MROH9: variants seen among roughly 807,000 people sequenced by gnomAD.
The protein encoded by MROH9 is maestro heat like repeat family member 9.
A neutral mutation model predicts 98.2 loss-of-function variants in MROH9; 92 were observed. The ratio of observed to expected loss-of-function variants is 0.94; its 90% CI spans 0.79 to 1.11. The LOEUF (loss-of-function observed/expected upper bound fraction) is 1.11. Ranked by LOEUF, MROH9 falls within the 50% of genes most tolerant of loss-of-function variation. The pLI is 0.00. For synonymous variants in MROH9, 397 were observed against 368.9 expected (o/e 1.08, Z -0.87); for missense variants, 1,057 against 1,014.8 (o/e 1.04, Z -0.57).
intron 3 of MROH9, among the ~76,000 whole-genome samples, chr1:170,957,970 G>A (rs879932512): frequency 6.6e-6 from 1 of 152,026 alleles, no homozygotes. Context: ...TACCACGCCC[G>A]GCTAATTTTT....
At chr1:170,945,821 A>G (rs1053909502) in intron 2 of MROH9, among the ~76,000 whole-genome samples, 4 of 152,114 alleles carry the variant, frequency 2.6e-5, no homozygotes, top group Admixed American at 2.0e-4. Context: ...TACAATGCAA[A>G]AAATTAGAAA....
At chr1:170,986,181 C>T (rs1005940429) in intron 9 of MROH9, among the ~76,000 whole-genome samples, 1 of 152,118 alleles carries the variant, frequency 6.6e-6, no homozygotes, top group Non-Finnish European at 1.5e-5. Context: ...AAAGTCCATG[C>T]CTTTGATTCC....
chr1:171,039,587 C>A (rs990087621), intron 20 of MROH9, among the ~76,000 whole-genome samples: 2 of 152,168 alleles, frequency 1.3e-5, no homozygotes, highest in Non-Finnish European at 2.9e-5. Context: ...GACATATCCT[C>A]CCGCTTAGCT....
chr1:171,020,999 AC>A (rs1235974183), intron 17 of MROH9, among the ~76,000 whole-genome samples: 1 of 152,100 alleles, frequency 6.6e-6, no homozygotes, highest in Non-Finnish European at 1.5e-5. Flanking sequence ...ATGAATGAAC[AC>A]TCATTCGCAA....
At chr1:170,956,230 A>C (rs1461327116) in intron 3 of MROH9, among the ~76,000 whole-genome samples, 1 of 152,164 alleles carries the variant, frequency 6.6e-6, no homozygotes. Flanking sequence ...CTTATAGTAC[A>C]GCTTGAAATC....
chr1:171,028,962 A>C (rs1268120770), intron 20 of MROH9, among the ~76,000 whole-genome samples: 1 of 152,158 alleles, frequency 6.6e-6, no homozygotes, highest in Non-Finnish European at 1.5e-5. Context: ...GTCTGCAGAG[A>C]CAATTTGACT....
In MROH9 at chr1:171,064,492, C is replaced by T. The variant is rs530210648; in HGVS notation, c.*152C>T. ...TTCTGAAAAATTCTGGAAGCTTTTA[C>T]TGTTACTTCTTAATTCTCTATTCAA... On this transcript the variant is annotated 3_prime_UTR_variant, in exon 22 of 22. Coordinates refer to ENST00000367759, the MANE Select transcript of MROH9 (RefSeq NM_001163629.2). The T allele has an allele frequency of 6.4e-5, 44 of 692,058 alleles. No homozygotes were observed. The African/African-American group carries it at 7.7e-4, about 12-fold the overall frequency. 42.9% of individuals were successfully genotyped at this position (692,058 alleles called of 1,614,324 possible).
At position 170,972,053 on chromosome 1, in the gene MROH9, AT is replaced by A. The variant is rs1285367931; in HGVS notation, c.616+174del. On this transcript the variant is annotated intron_variant, in intron 8 of 21. Coordinates refer to ENST00000367759, the MANE Select transcript of MROH9 (RefSeq NM_001163629.2). The stretch of plus-strand genomic sequence containing the variant: ...TTAATCTTTTTAGCATTGTCAAGAA[AT>A]TTTGGTAATAGTGTGGTTGGTTCTT... 7.9e-5 allele frequency among the ~76,000 whole-genome samples: 12 copies of A among 152,300 alleles called. No individual in the cohort carries two copies. The East Asian group carries it at 1.9e-3, about 25-fold the overall frequency.
At chr1:170,961,835 A>T in intron 5 of MROH9, 55 bp from the exon 6 acceptor site, 1 of 851,942 alleles carries the variant, frequency 1.2e-6, no homozygotes, top group South Asian at 2.1e-5. Context: ...AACTGTAGAC[A>T]TTAGGTAAAA....
chr1:171,046,647 T>G (rs1367495604), intron 20 of MROH9, among the ~76,000 whole-genome samples: 1 of 152,230 alleles, frequency 6.6e-6, no homozygotes. Context: ...GTTATTATTA[T>G]TGATTGGTTC....
At chr1:170,956,595 GTTT>G (rs5778690) in intron 3 of MROH9, among the ~76,000 whole-genome samples, 6 of 104,596 alleles carry the variant, frequency 5.7e-5, no homozygotes, top group African/African-American at 7.6e-5. Flanking sequence ...TTTTTTTTTT[GTTT>G]TTTTTTTTTT....
chr1:171,031,421 G>A (rs1053888236), intron 20 of MROH9, among the ~76,000 whole-genome samples: 3 of 152,092 alleles, frequency 2.0e-5, no homozygotes, highest in Non-Finnish European at 2.9e-5. Flanking sequence ...GCTGGTACTG[G>A]GTGCTTTTTT....
chr1:170,995,339 G>T (rs775123731), intron 12 of MROH9, 50 bp from the exon 13 acceptor site: 1 of 1,606,672 alleles, frequency 6.2e-7, no homozygotes, highest in Non-Finnish European at 8.5e-7. Flanking sequence ...GGTTGACCGG[G>T]TTTAGAGAAA....
chr1:171,052,618 A>G (rs1653706502), intron 20 of MROH9, among the ~76,000 whole-genome samples: 1 of 152,204 alleles, frequency 6.6e-6, no homozygotes, highest in Non-Finnish European at 1.5e-5. Context: ...GCGAGTGCAT[A>G]AAAATGCCTA....
intron 1 of MROH9, among the ~76,000 whole-genome samples, chr1:170,939,807 G>C (rs952689043): frequency 1.3e-5 from 2 of 152,172 alleles, no homozygotes; most frequent in Non-Finnish European, 2.9e-5. Flanking sequence ...AGGCCTAGTA[G>C]CATGTCAAGG....
At chr1:170,990,119 G>GA in intron 11 of MROH9, 116 bp downstream of exon 11, 1 of 1,093,072 alleles carries the variant, frequency 9.1e-7, no homozygotes, top group Non-Finnish European at 1.3e-6. Flanking sequence ...TCTTTTTTCT[G>GA]AAAGAGAAAA....
intron 15 of MROH9, among the ~76,000 whole-genome samples, chr1:171,012,182 C>T (rs1166902417): frequency 6.6e-6 from 1 of 151,994 alleles, no homozygotes. Flanking sequence ...GGAAATTTCT[C>T]TTAAATTTGC....
chr1:170,998,356 T>C (rs1041228808), intron 15 of MROH9, 82 bp downstream of exon 15: 9 of 1,611,878 alleles, frequency 5.6e-6, no homozygotes, highest in Non-Finnish European at 7.6e-6. Context: ...GTTTCTCGTA[T>C]CTCTCCCTCT....
At chr1:170,976,756 T>G (rs749220857) in intron 8 of MROH9, among the ~76,000 whole-genome samples, 3 of 152,164 alleles carry the variant, frequency 2.0e-5, no homozygotes, top group Non-Finnish European at 2.9e-5. Flanking sequence ...TGTCTGTATT[T>G]CCTGAATTTG....
Sources: allele counts gnomAD v4.1 joint callset (sites outside exome capture counted in the v4.1 genomes callset), GRCh38; gene constraint gnomAD v4.1.1; transcripts MANE v1.5; gene names NCBI Gene and HGNC (gene_info 2026-07-23, HGNC 2026-07-21).